The following MAP4K4 variants were observed in gnomAD, a reference collection of about 807,000 sequenced individuals.
The protein encoded by MAP4K4 is mitogen-activated protein kinase kinase kinase kinase 4.
Under a neutral mutation model 189.6 loss-of-function variants are expected in MAP4K4, and 38 were observed. The ratio of observed to expected loss-of-function variants is 0.20; its 90% CI spans 0.15 to 0.26. MAP4K4 has a LOEUF of 0.26. Ranked by LOEUF, MAP4K4 falls within the 10% of genes least tolerant of loss-of-function variation. The probability of loss-of-function intolerance (pLI) is 1.00; values close to 1 mark genes in which losing one functional copy is unlikely to be tolerated. For synonymous variants in MAP4K4, 610 were observed against 624.3 expected (o/e 0.98, Z 0.34); for missense variants, 1,054 against 1,726.9 (o/e 0.61, Z 6.91).
chr2:101,800,060 T>C (rs866459182), intron 3 of MAP4K4, among the ~76,000 whole-genome samples: 1 of 151,878 alleles, frequency 6.6e-6, no homozygotes, highest in African/African-American at 2.4e-5. Context: ...GTGCTTAGCA[T>C]ATATTTGCTC....
At chr2:101,725,409 A>G (rs1291899448) in intron 2 of MAP4K4, among the ~76,000 whole-genome samples, 2 of 150,958 alleles carry the variant, frequency 1.3e-5, no homozygotes, top group Non-Finnish European at 3.0e-5. Flanking sequence ...AACAAAAACA[A>G]AAAAAAACCA....
At chr2:101,823,888 C>T (rs754732607) in intron 3 of MAP4K4, 40 bp from the exon 4 acceptor site, 16 of 1,542,346 alleles carry the variant, frequency 1.0e-5, no homozygotes, top group Middle Eastern at 2.3e-4. Context: ...TCATTCACAT[C>T]GTTCAGTAGC....
intron 3 of MAP4K4, among the ~76,000 whole-genome samples, chr2:101,816,388 G>C (rs529460586): frequency 6.6e-6 from 1 of 152,292 alleles, no homozygotes; most frequent in African/African-American, 2.4e-5. Context: ...CAGAAACACT[G>C]TTGCTTATCA....
At chr2:101,745,328 A>AAC (rs2064781044) in intron 2 of MAP4K4, among the ~76,000 whole-genome samples, 4 of 54,874 alleles carry the variant, frequency 7.3e-5, no homozygotes, top group African/African-American at 3.1e-4. Flanking sequence ...TGAAAATATC[A>AAC]CCCCCCCCCC....
chr2:101,765,877 G>T (rs535069069), intron 2 of MAP4K4, among the ~76,000 whole-genome samples: 1 of 152,270 alleles, frequency 6.6e-6, no homozygotes, highest in East Asian at 1.9e-4. Flanking sequence ...GTATTTTAAA[G>T]TGTAGACCCG....
At chr2:101,863,513 G>T (rs2097728248) in intron 16 of MAP4K4, among the ~76,000 whole-genome samples, 1 of 152,002 alleles carries the variant, frequency 6.6e-6, no homozygotes, top group Admixed American at 6.6e-5. Flanking sequence ...ACCCCTTTGG[G>T]CTCTGAGAGC....
intron 2 of MAP4K4, among the ~76,000 whole-genome samples, chr2:101,776,418 C>T (rs772383611): frequency 3.3e-4 from 50 of 152,080 alleles, no homozygotes; most frequent in Non-Finnish European, 6.6e-4. Context: ...GCAGTTCCCA[C>T]TGGACTCCAG....
At chr2:101,701,273 G>C (rs141642236) in intron 2 of MAP4K4, among the ~76,000 whole-genome samples, 1 of 152,076 alleles carries the variant, frequency 6.6e-6, no homozygotes, top group East Asian at 1.9e-4. Context: ...TTGATATGTC[G>C]TATGAAATAG....
At chr2:101,760,779 G>A (rs537075881) in intron 2 of MAP4K4, among the ~76,000 whole-genome samples, 21 of 152,220 alleles carry the variant, frequency 1.4e-4, no homozygotes, top group Non-Finnish European at 2.5e-4. Context: ...CGAGGTGGGC[G>A]GATCACCTGA....
At chr2:101,699,978 C>T (rs918681350) in intron 2 of MAP4K4, among the ~76,000 whole-genome samples, 2 of 152,178 alleles carry the variant, frequency 1.3e-5, no homozygotes, top group African/African-American at 4.8e-5. Context: ...AGACATTCTC[C>T]CCGGTCTGTT....
At chr2:101,767,455 C>G (rs373066409) in intron 2 of MAP4K4, among the ~76,000 whole-genome samples, 6 of 152,188 alleles carry the variant, frequency 3.9e-5, no homozygotes, top group East Asian at 1.9e-4. Flanking sequence ...TTAGGAATTT[C>G]AGAGGGAGCT....
At chr2:101,747,370 A>T (rs2066189595) in intron 2 of MAP4K4, among the ~76,000 whole-genome samples, 1 of 152,068 alleles carries the variant, frequency 6.6e-6, no homozygotes, top group Admixed American at 6.6e-5. Flanking sequence ...AGGCCCGCCT[A>T]GGCCTCCAAA....
intron 6 of MAP4K4, among the ~76,000 whole-genome samples, chr2:101,830,870 G>A (rs2096574762): frequency 6.6e-6 from 1 of 152,198 alleles, no homozygotes; most frequent in South Asian, 2.1e-4. Context: ...TGGCCCGTGT[G>A]TCTCTGTCTC....
chr2:101,835,249 G>C (rs1206722035), intron 8 of MAP4K4, among the ~76,000 whole-genome samples: 1 of 152,188 alleles, frequency 6.6e-6, no homozygotes, highest in Non-Finnish European at 1.5e-5. Flanking sequence ...AAGGGGAATA[G>C]TATTGTCTGC....
At position 101,764,762 on chromosome 2, in the gene MAP4K4, C is replaced by T. The variant is rs150045273; in HGVS notation, c.124-25958C>T. On this transcript the variant is annotated intron_variant, in intron 2 of 32. Transcript: ENST00000324219. ...AGAGTAATATAACCAAGACCCTGAC[C>T]TCTTTGATATTTTGGCTCATCTCCT... 2.7e-3 allele frequency among the ~76,000 whole-genome samples: 413 copies of T among 152,232 alleles called. 1 individual carries two copies. Among genetic ancestry groups the T allele is most frequent in the African/African-American group, 9.1e-3 (378 of 41,540 alleles).
At chr2:101,893,107 T>C (rs760087601) in exon 33 of MAP4K4, 4 of 456,504 alleles carry the variant, frequency 8.8e-6, no homozygotes, top group South Asian at 6.2e-5. Flanking sequence ...CCCATCCCAC[T>C]TGGCACCCAC....
chr2:101,887,802 G>A lies in MAP4K4; in HGVS notation c.3796G>A (p.Ala1266Thr), dbSNP rs575872758. Residue 1266 changes from alanine (A) to threonine (T), a missense_variant, in exon 31 of 33, where the codon GCA becomes ACA. Ala to Thr is a moderately conservative substitution (Grantham distance 58). This residue lies in a region of MAP4K4 where 189 missense variants were observed against 405.7 expected (regional missense o/e 0.47). Coordinates refer to ENST00000324219, the Ensembl canonical transcript of MAP4K4. ...GATCCAGTGTAGCATCAAACCCCAT[G>A]CAATCATCATCCTCCCCAATACAGA... The A allele has an allele frequency of 4.3e-6, 7 of 1,611,838 alleles. No homozygotes were observed. In the South Asian group the frequency reaches 6.6e-5, roughly 15 times the overall value.
At chr2:101,871,847 A>T (rs2098036038) in intron 24 of MAP4K4, among the ~76,000 whole-genome samples, 162 bp downstream of exon 24, 1 of 152,052 alleles carries the variant, frequency 6.6e-6, no homozygotes, top group South Asian at 2.1e-4. Context: ...CATGTTTCAG[A>T]TCTGCATATA....
At chr2:101,839,936 A>G (rs2096867231) in exon 10 of MAP4K4, 3 of 1,613,990 alleles carry the variant, frequency 1.9e-6, no homozygotes, top group Middle Eastern at 1.7e-4. Context: ...ATGAAAGGCA[A>G]GTTAGAATCC....
Sources: gnomAD v4.1 joint callset for allele counts (sites outside exome capture counted in the v4.1 genomes callset) on GRCh38, gnomAD v4.1.1 for gene constraint, gnomAD v4.1.1 regional missense constraint, MANE v1.5 for transcripts, NCBI Gene and HGNC (gene_info 2026-07-23, HGNC 2026-07-21) for gene names.